The following AMH variants were observed in gnomAD, a reference collection of about 807,000 sequenced individuals.
The protein encoded by AMH is anti-Mullerian hormone.
Under a neutral mutation model 33.3 loss-of-function variants are expected in AMH, and 39 were observed. That is an observed-to-expected ratio of 1.17 (90% CI 0.91 to 1.53). The LOEUF (loss-of-function observed/expected upper bound fraction) is 1.53. Among genes scored for constraint, AMH ranks in the 40% most tolerant of loss-of-function variants. The pLI, the probability that AMH is intolerant of heterozygous loss-of-function variation, is 0.00. For missense variants in AMH, 1,019 were observed against 799.8 expected, an observed-to-expected ratio of 1.27 and a Z score of -3.30; for synonymous variants, 536 against 403.0, an observed-to-expected ratio of 1.33 and a Z score of -3.95.
At chr19:2,250,078 T>C in intron 1 of AMH, 1 of 638,780 alleles carries the variant, frequency 1.6e-6, no homozygotes, top group South Asian at 1.9e-5. Flanking sequence ...CCTAAGATAC[T>C]CCCTGCGGGG....
rs376247795 is a variant in AMH at position 2,250,974 on chromosome 19, G to A, written c.790G>A (p.Gly264Ser). 7.2e-6 allele frequency: 11 copies of A among 1,520,318 alleles called. No homozygotes were observed. The East Asian group carries it at 1.8e-4, about 25-fold the overall frequency. The allele number at this position is 1,520,318 out of a possible 1,614,324, so 94.2% of individuals were successfully genotyped here. The change falls in exon 4 of 5, where the codon GGC becomes AGC. Residue 264 changes from glycine to serine, a missense_variant. Coordinates refer to ENST00000221496, the MANE Select transcript of AMH (RefSeq NM_000479.5). ...CGAGCCCGCGCCGCTGCCTGCGCAC[G>A]GCCAGCTGGACACCGTGCCCTTCCC... Reference protein sequence around the residue: ...RSEPAPLPAHGQLDTVPFPPP... With the variant: ...RSEPAPLPAHSQLDTVPFPPP...
Position 2,250,430 on chromosome 19 carries a change from G to A in AMH, c.506G>A (p.Gly169Glu), listed in dbSNP as rs2025010953. 3 of 1,559,638 alleles carry A rather than the reference G, an allele frequency of 1.9e-6. No individual in the cohort carries two copies. The highest frequency in any genetic ancestry group is 2.6e-6 in the Non-Finnish European group (3 of 1,153,066). The part of the protein sequence containing the change: ...PELALLVLYP[G>E]PGPEVTVTRA... ...CTGGCGCTGCTGGTGCTGTACCCTG[G>A]GCCTGGCCCTGAGGTCACTGTGACG... is the stretch of plus-strand genomic sequence containing the variant. The change falls in exon 2 of 5, where the codon GGG becomes GAG. Residue 169 changes from glycine to glutamate, a missense_variant. By Grantham distance (98) the Gly-to-Glu change is moderately conservative (BLOSUM62 -2). Transcript: ENST00000221496.
At chr19:2,249,795 GC>G in intron 1 of AMH, 51 bp downstream of exon 1, 1 of 1,451,270 alleles carries the variant, frequency 6.9e-7, no homozygotes, top group South Asian at 1.5e-5. Flanking sequence ...CTTCAGGTGG[GC>G]CGGGTCCTCC....
chr19:2,249,911 ACT>A lies in AMH; in HGVS notation c.412+170_412+171del, dbSNP rs535118954. On this transcript the variant is annotated intron_variant, in intron 1 of 4. Coordinates refer to ENST00000221496, the MANE Select transcript of AMH (RefSeq NM_000479.5). ...CCGTGGCCTGGAAGGTGGGCACCAC[ACT>A]CTGTCCTGTCCCCGAAGCCCAGCTC... 86 of 796,838 alleles carry A rather than the reference ACT, an allele frequency of 1.1e-4. 1 individual carries two copies. The South Asian group carries it at 1.3e-3, about 12-fold the overall frequency. The allele number at this position is 796,838 out of a possible 1,614,324, so 49.4% of individuals were successfully genotyped here. A position where few individuals can be genotyped will look rare whatever the true frequency, so the allele number is the denominator to read the frequency against.
intron 1 of AMH, 196 bp downstream of exon 1, chr19:2,249,940 T>C: frequency 1.4e-6 from 1 of 698,976 alleles, no homozygotes; most frequent in South Asian, 2.1e-5. Flanking sequence ...GCCCAGCTCT[T>C]AGACTTGCCC....
In AMH at chr19:2,250,494, C is replaced by A. The variant is rs372744500; in HGVS notation, c.555+15C>A. On this transcript the variant is annotated intron_variant, in intron 2 of 4. Transcript: ENST00000221496. Reference sequence around the variant, plus strand: ...CGGGTGCCCAGGTACCAGGGAGTTGCATGGGGCAGTGCCCGGGCCGTGGCG... The same window carrying A: ...CGGGTGCCCAGGTACCAGGGAGTTGAATGGGGCAGTGCCCGGGCCGTGGCG... The A allele has an allele frequency of 4.5e-6, 7 of 1,546,698 alleles. No homozygotes were observed. The highest frequency in any genetic ancestry group is 6.1e-6 in the Non-Finnish European group (7 of 1,146,728).
In AMH at chr19:2,250,186, C is replaced by T. The variant is rs991519014; in HGVS notation, c.413-151C>T. The T allele has an allele frequency of 2.0e-5, 27 of 1,320,492 alleles. No homozygotes were observed. The East Asian group carries it at 6.3e-4, about 31-fold the overall frequency. 81.8% of individuals were successfully genotyped at this position (1,320,492 alleles called of 1,614,324 possible). ...CCTGCCTGCCCCTGCCGTCACCGCT[C>T]CCTGGCTGCAGGAAGGCAGCTAAGA... is the stretch of plus-strand genomic sequence containing the variant. On this transcript the variant is annotated intron_variant, in intron 1 of 4. Coordinates refer to ENST00000221496, the MANE Select transcript of AMH (RefSeq NM_000479.5).
intron 2 of AMH, 78 bp downstream of exon 2, chr19:2,250,557 A>G: frequency 6.5e-7 from 1 of 1,538,666 alleles, no homozygotes. Flanking sequence ...CAGTACTGAG[A>G]ACAGCGTAGA....
Position 2,251,158 on chromosome 19 carries a change from C to CGTGA in AMH, c.885_886insTGAG (p.Arg296Ter), listed in dbSNP as rs1568394254. 6.6e-7 allele frequency: 1 copy of CGTGA among 1,524,856 alleles called. No individual in the cohort carries two copies. Among genetic ancestry groups the CGTGA allele is most frequent in the Admixed American group, 2.0e-5 (1 of 50,512 alleles). The allele number at this position is 1,524,856 out of a possible 1,614,324, so 94.5% of individuals were successfully genotyped here. On this transcript the variant is annotated stop_gained and frameshift_variant, in exon 5 of 5. Transcript: ENST00000221496. LOFTEE classifies it low-confidence loss of function (END_TRUNC). ...GCAGACCCCTTCCTGGAGACGCTCACGCGCCTGGTGCGGGCGCTGCGGGTC... is the reference window on the plus strand; with the variant it reads ...GCAGACCCCTTCCTGGAGACGCTCACGTGAGCGCCTGGTGCGGGCGCTGCGGGTC...
chr19:2,249,681 C>T lies in AMH; in HGVS notation c.349C>T (p.Arg117Trp), dbSNP rs752375222. 124 of 1,500,854 alleles carry T rather than the reference C, an allele frequency of 8.3e-5. No homozygotes were observed. The South Asian group carries it at 9.5e-4, about 11-fold the overall frequency. The allele number at this position is 1,500,854 out of a possible 1,614,324, so 93.0% of individuals were successfully genotyped here. A position where few individuals can be genotyped will look rare whatever the true frequency, so the allele number is the denominator to read the frequency against. The part of the protein sequence containing the change: ...DRQAALPSLR[R>W]LGAWLRDPGG... ...GCAGGCTGCCTTGCCCTCTCTACGG[C>T]GGCTGGGGGCCTGGCTGCGGGACCC... Residue 117 changes from arginine to tryptophan, a missense_variant, in exon 1 of 5, where the codon CGG becomes TGG. By Grantham distance (101) the Arg-to-Trp change is moderately radical (BLOSUM62 -3). Transcript: ENST00000221496.
In AMH at chr19:2,250,844, C is replaced by T. The variant is rs778925302; in HGVS notation, c.665-5C>T. The stretch of plus-strand genomic sequence containing the variant: ...CTGAGCCAGCCGCGTGCCCACCCAC[C>T]GCAGACTCCCGGCTGAGTACCGCCC... On this transcript the variant is annotated splice_polypyrimidine_tract_variant and splice_region_variant and intron_variant, in intron 3 of 4. Transcript: ENST00000221496. 1.0e-5 allele frequency: 16 copies of T among 1,561,580 alleles called. No individual in the cohort carries two copies. Among genetic ancestry groups the T allele is most frequent in the East Asian group, 2.3e-5 (1 of 43,012 alleles).
chr19:2,249,821 G>A, intron 1 of AMH, 77 bp downstream of exon 1: 2 of 1,409,220 alleles, frequency 1.4e-6, no homozygotes, highest in Non-Finnish European at 1.9e-6. Context: ...GAAGATCAGG[G>A]GCTGGCAGAG....
Position 2,250,475 on chromosome 19 carries a change from C to T in AMH, c.551C>T (p.Ala184Val). 6.5e-7 allele frequency: 1 copy of T among 1,548,206 alleles called. No homozygotes were observed. The highest frequency in any genetic ancestry group is 8.7e-7 in the Non-Finnish European group (1 of 1,147,230). Residue 184 changes from alanine to valine, a missense_variant, in exon 2 of 5, where the codon GCC (alanine) becomes GTC (valine). Coordinates refer to ENST00000221496, the MANE Select transcript of AMH (RefSeq NM_000479.5). ...VTVTRAGLPG[A>V]QSLCPSRDTR... ...GTGACGAGGGCTGGGCTGCCGGGTG[C>T]CCAGGTACCAGGGAGTTGCATGGGG...
chr19:2,251,373 A>C lies in AMH; in HGVS notation c.1099A>C (p.Thr367Pro). ...TGDPAPLHDP[T>P]SAPWATALAR... ...GGATCCTGCGCCCCTGCACGACCCC[A>C]CGTCGGCGCCGTGGGCCACGGCCCT... The change falls in exon 5 of 5, where the codon ACG becomes CCG. Residue 367 changes from threonine to proline, a missense_variant. Transcript: ENST00000221496. 6.8e-7 allele frequency: 1 copy of C among 1,472,654 alleles called. No homozygotes were observed. Among genetic ancestry groups the C allele is most frequent in the Non-Finnish European group, 8.9e-7 (1 of 1,119,214 alleles). 91.2% of individuals were successfully genotyped at this position (1,472,654 alleles called of 1,614,324 possible). A position where few individuals can be genotyped will look rare whatever the true frequency, so the allele number is the denominator to read the frequency against.
chr19:2,251,237 C>A lies in AMH; in HGVS notation c.963C>A (p.Ala321=), dbSNP rs2025036371. The change falls in exon 5 of 5, where the codon GCC becomes GCA. Residue 321 remains alanine (A), a synonymous_variant. Transcript: ENST00000221496. ...TGGCCCTGGATCCGGACGCGCTGGC[C>A]GGCTTCCCGCAGGGCCTAGTCAACC... ...PRLALDPDAL[A]GFPQGLVNLS... 2 of 1,502,594 alleles carry A rather than the reference C, an allele frequency of 1.3e-6. No individual in the cohort carries two copies. Among genetic ancestry groups the A allele is most frequent in the Non-Finnish European group, 1.8e-6 (2 of 1,133,338 alleles). The allele number at this position is 1,502,594 out of a possible 1,614,324, so 93.1% of individuals were successfully genotyped here. A position where few individuals can be genotyped will look rare whatever the true frequency, so the allele number is the denominator to read the frequency against.
chr19:2,249,627 A>T lies in AMH; in HGVS notation c.295A>T (p.Thr99Ser), dbSNP rs200226465. The T allele has an allele frequency of 3.1e-4, 481 of 1,529,614 alleles. No homozygotes were observed. Among genetic ancestry groups the T allele is most frequent in the Admixed American group, 4.8e-4 (23 of 48,252 alleles). 94.8% of individuals were successfully genotyped at this position (1,529,614 alleles called of 1,614,324 possible). A position where few individuals can be genotyped will look rare whatever the true frequency, so the allele number is the denominator to read the frequency against. ...CCGCTGGGGCCCCCGAGACCTGGCC[A>T]CCTTCGGGGTCTGCAACACCGGTGA... ...RARWGPRDLATFGVCNTGDRQ... is the reference protein window; with the variant it reads ...RARWGPRDLASFGVCNTGDRQ... Residue 99 changes from threonine to serine, a missense_variant, in exon 1 of 5, where the codon ACC becomes TCC. By Grantham distance (58) the Thr-to-Ser change is moderately conservative. Transcript: ENST00000221496.
rs2024990678 is a variant in AMH at position 2,249,567 on chromosome 19, T to C, written c.235T>C (p.Tyr79His). The C allele has an allele frequency of 1.9e-6, 3 of 1,578,254 alleles. No individual in the cohort carries two copies. Among genetic ancestry groups the C allele is most frequent in the South Asian group, 1.1e-5 (1 of 87,542 alleles). ...PLRVVGALSA[Y>H]EQAFLGAVQR... The stretch of plus-strand genomic sequence containing the variant: ...GCGGGTGGTGGGGGCTCTAAGCGCC[T>C]ATGAGCAGGCCTTCCTGGGGGCCGT... Residue 79 changes from tyrosine (Y) to histidine (H), a missense_variant, in exon 1 of 5, where the codon TAT (tyrosine) becomes CAT (histidine). Transcript: ENST00000221496.
chr19:2,250,292 T>C, intron 1 of AMH, 45 bp from the exon 2 acceptor site: 1 of 1,547,830 alleles, frequency 6.5e-7, no homozygotes, highest in Admixed American at 1.9e-5. Context: ...TCCCGGGGGG[T>C]GTGGCCTTCA....
In AMH at chr19:2,249,731, A is replaced by G. The variant is rs775494830; in HGVS notation, c.399A>G (p.Leu133=). Residue 133 remains leucine (L), a synonymous_variant, in exon 1 of 5, where the codon CTA becomes CTG. Transcript: ENST00000221496. ...RDPGGQRLVV[L]HLEEVTWEPT... ...CTGGGGGGCAGCGCCTGGTGGTCCT[A>G]CACCTGGAGGAAGGTATGTGGGGCC... 6 of 1,505,410 alleles carry G rather than the reference A, an allele frequency of 4.0e-6. No homozygotes were observed. The highest frequency in any genetic ancestry group is 2.6e-6 in the Non-Finnish European group (3 of 1,132,552). 93.3% of individuals were successfully genotyped at this position (1,505,410 alleles called of 1,614,324 possible).
Sources: allele counts gnomAD v4.1 joint callset, GRCh38; gene constraint gnomAD v4.1.1; transcripts MANE v1.5; gene names NCBI Gene and HGNC (gene_info 2026-07-23, HGNC 2026-07-21).